Variants in RARB observed in about 807,000 individuals in gnomAD.
RARB encodes the protein retinoic acid receptor beta.
In RARB, 17 loss-of-function variants were observed where a neutral mutation model predicts 51.9. The ratio of observed to expected loss-of-function variants is 0.33; its 90% CI spans 0.22 to 0.49. RARB has a LOEUF of 0.49. Ranked by LOEUF, RARB falls within the 20% of genes least tolerant of loss-of-function variation. The probability of loss-of-function intolerance (pLI) is 0.99; values close to 1 mark genes in which losing one functional copy is unlikely to be tolerated. For missense variants in RARB, 369 were observed against 550.8 expected, an observed-to-expected ratio of 0.67 and a Z score of 3.30; for synonymous variants, 215 against 195.4, an observed-to-expected ratio of 1.10 and a Z score of -0.84.
intron 2 of RARB, among the ~76,000 whole-genome samples, chr3:25,464,629 CA>C (rs1345716927): frequency 2.0e-5 from 3 of 151,782 alleles, no homozygotes; most frequent in African/African-American, 7.3e-5. Flanking sequence ...TGGTAAAATA[CA>C]ACAGCCAAAG....
At chr3:25,276,932 A>G (rs1421299257) in intron 5 of RARB, among the ~76,000 whole-genome samples, 2 of 152,244 alleles carry the variant, frequency 1.3e-5, no homozygotes, top group Non-Finnish European at 2.9e-5. Context: ...AGGACTGGTC[A>G]TCTTATCTCA....
Position 25,209,170 on chromosome 3 carries a change from C to A in RARB, c.178+34595C>A, listed in dbSNP as rs150687615. On this transcript the variant is annotated intron_variant, in intron 5 of 11. Coordinates refer to the RARB transcript ENST00000383772. Reference sequence around the variant, plus strand: ...GCTTTGCGTTTTCATGGGTCCCAACCAGTTGACCCTTCGTCGGTCAGTTGG... The same window carrying A: ...GCTTTGCGTTTTCATGGGTCCCAACAAGTTGACCCTTCGTCGGTCAGTTGG... Among the ~76,000 whole-genome samples the A allele has an allele frequency of 2.7e-3, 413 of 152,296 alleles. 1 individual carries two copies. Among genetic ancestry groups the A allele is most frequent in the Admixed American group, 7.0e-3 (107 of 15,298 alleles).
chr3:25,532,586 A>G (rs1332987094), intron 3 of RARB, among the ~76,000 whole-genome samples: 1 of 152,178 alleles, frequency 6.6e-6, no homozygotes, highest in Non-Finnish European at 1.5e-5. Flanking sequence ...GCCTCCCAAG[A>G]GTGTTTGAAA....
At chr3:25,492,131 C>A (rs1001397292) in intron 2 of RARB, among the ~76,000 whole-genome samples, 4 of 152,106 alleles carry the variant, frequency 2.6e-5, no homozygotes. Context: ...AACTTGCTCC[C>A]TGAAAATTTT....
chr3:25,168,707 G>A (rs114241817), intron 4 of RARB, among the ~76,000 whole-genome samples: 6,938 of 152,248 alleles, frequency 0.046, 188 homozygotes, highest in African/African-American at 0.06. Flanking sequence ...AAAAGAGAAC[G>A]AATGGATGAA....
intron 3 of RARB, among the ~76,000 whole-genome samples, chr3:25,106,244 G>C (rs191959254): frequency 2.2e-5 from 1 of 44,962 alleles, no homozygotes; most frequent in Non-Finnish European, 4.5e-5. Context: ...TCAAAGGGTG[G>C]TTTCTCGGAG....
intron 5 of RARB, among the ~76,000 whole-genome samples, chr3:25,223,472 C>A (rs934799806): frequency 6.6e-6 from 1 of 151,710 alleles, no homozygotes; most frequent in African/African-American, 2.4e-5. Context: ...AGAACAAATG[C>A]CTTCTATTCC....
At chr3:24,845,925 T>C (rs537403046) in intron 1 of RARB, among the ~76,000 whole-genome samples, 95 of 152,340 alleles carry the variant, frequency 6.2e-4, no homozygotes, top group African/African-American at 2.1e-3. Flanking sequence ...GTCCTGTGCT[T>C]TTACGGTTTA....
chr3:25,130,953 T>C (rs1169335805), intron 3 of RARB, among the ~76,000 whole-genome samples: 2 of 96,726 alleles, frequency 2.1e-5, no homozygotes, highest in African/African-American at 7.5e-5. Flanking sequence ...ATATTTATTA[T>C]TGATAATATT....
intron 2 of RARB, among the ~76,000 whole-genome samples, chr3:24,974,427 T>C (rs1457689790): frequency 6.6e-6 from 1 of 151,936 alleles, no homozygotes; most frequent in Non-Finnish European, 1.5e-5. Context: ...AGGATAAGAG[T>C]TTTGCACAGC....
At chr3:25,439,905 T>C in intron 1 of RARB, among the ~76,000 whole-genome samples, 1 of 152,132 alleles carries the variant, frequency 6.6e-6, no homozygotes, top group Non-Finnish European at 1.5e-5. Flanking sequence ...TAACATGTGA[T>C]GCAGTGAAAT....
chr3:25,200,186 C>T (rs1453506236), intron 5 of RARB, among the ~76,000 whole-genome samples: 1 of 152,132 alleles, frequency 6.6e-6, no homozygotes, highest in Non-Finnish European at 1.5e-5. Flanking sequence ...TTGCATTTCT[C>T]TGATGGCCAG....
chr3:25,268,003 T>C (rs1285542308), intron 5 of RARB, among the ~76,000 whole-genome samples: 1 of 152,218 alleles, frequency 6.6e-6, no homozygotes, highest in Non-Finnish European at 1.5e-5. Flanking sequence ...GAGAGTTATA[T>C]ATTTCTTAAG....
intron 3 of RARB, among the ~76,000 whole-genome samples, chr3:25,090,079 A>G (rs13072262): frequency 0.73 from 110,457 of 152,012 alleles, 40,756 homozygotes; most frequent in Admixed American, 0.81. Context: ...GTTAATCTGA[A>G]TGAAAGCACA....
intron 2 of RARB, among the ~76,000 whole-genome samples, chr3:25,481,821 G>C (rs963950899): frequency 6.6e-6 from 1 of 152,176 alleles, no homozygotes; most frequent in Non-Finnish European, 1.5e-5. Flanking sequence ...AGGCAGTAAA[G>C]ACTAGTAATC....
chr3:25,342,607 A>T (rs1481119219), intron 5 of RARB, among the ~76,000 whole-genome samples: 1 of 152,222 alleles, frequency 6.6e-6, no homozygotes, highest in African/African-American at 2.4e-5. Context: ...ACCCAATATC[A>T]GCAAACTGCC....
chr3:24,951,983 A>G (rs768835308), intron 2 of RARB, among the ~76,000 whole-genome samples: 1 of 152,178 alleles, frequency 6.6e-6, no homozygotes, highest in Non-Finnish European at 1.5e-5. Flanking sequence ...TGCATTGCAA[A>G]TTGCCCTGTA....
chr3:25,097,181 A>C (rs779426035), intron 3 of RARB, among the ~76,000 whole-genome samples: 1 of 152,158 alleles, frequency 6.6e-6, no homozygotes, highest in Non-Finnish European at 1.5e-5. Context: ...TGAAAGAACC[A>C]CTGAAACTAA....
At chr3:25,413,324 G>T (rs1707616207) in intron 5 of RARB, among the ~76,000 whole-genome samples, 1 of 152,086 alleles carries the variant, frequency 6.6e-6, no homozygotes, top group Admixed American at 6.5e-5. Flanking sequence ...TGTTCTCATT[G>T]CTGGAGAGTC....
Sources: allele counts gnomAD v4.1 joint callset (sites outside exome capture counted in the v4.1 genomes callset), GRCh38; gene constraint gnomAD v4.1.1; transcripts MANE v1.5; gene names NCBI Gene and HGNC (gene_info 2026-07-23, HGNC 2026-07-21).